VRK2: variants seen among roughly 807,000 people sequenced by gnomAD.
VRK2 encodes serine/threonine-protein kinase VRK2.
Under a neutral mutation model 57.6 loss-of-function variants are expected in VRK2, and 60 were observed. The ratio of observed to expected loss-of-function variants is 1.04; its 90% CI spans 0.85 to 1.29. The LOEUF is 1.29. Among genes scored for constraint, VRK2 ranks in the 50% most tolerant of loss-of-function variants. VRK2 has a pLI of 0.00. For synonymous variants in VRK2, 231 were observed against 199.2 expected (o/e 1.16, Z -1.35); for missense variants, 705 against 588.1 (o/e 1.20, Z -2.06).
At chr2:57,917,449 A>G (rs1251537348) in intron 1 of VRK2, among the ~76,000 whole-genome samples, 2 of 151,240 alleles carry the variant, frequency 1.3e-5, no homozygotes, top group African/African-American at 4.9e-5. Flanking sequence ...TTCATCTGCA[A>G]AATAAAGATG....
chr2:58,116,285 A>G (rs970775880), intron 7 of VRK2, among the ~76,000 whole-genome samples: 4 of 151,608 alleles, frequency 2.6e-5, no homozygotes, highest in South Asian at 2.1e-4. Flanking sequence ...GGAATACAAA[A>G]GGAGGACGCA....
Position 58,084,300 on chromosome 2 carries a change from TG to T in VRK2, c.186+163del, listed in dbSNP as rs928464155. On this transcript the variant is annotated intron_variant, in intron 3 of 12. Coordinates refer to ENST00000340157, the MANE Select transcript of VRK2 (RefSeq NM_006296.7). The stretch of plus-strand genomic sequence containing the variant: ...TAAAACATTAAAACTGGAGAACCTT[TG>T]TTTTTCTGTATTGCCAGCTATTACC... 1.3e-4 allele frequency among the ~76,000 whole-genome samples: 19 copies of T among 151,932 alleles called. 2 individuals are homozygous for T. The highest frequency in any genetic ancestry group is 1.2e-3 in the Admixed American group (19 of 15,244).
chr2:57,951,651 GTCA>G (rs1420364432), intron 1 of VRK2, among the ~76,000 whole-genome samples: 1 of 152,192 alleles, frequency 6.6e-6, no homozygotes, highest in Non-Finnish European at 1.5e-5. Flanking sequence ...CACTATCACT[GTCA>G]TCATCAGCAG....
intron 7 of VRK2, among the ~76,000 whole-genome samples, chr2:58,095,599 T>G (rs1041113769): frequency 1.3e-5 from 2 of 152,110 alleles, no homozygotes; most frequent in Non-Finnish European, 2.9e-5. Context: ...AATTTTTATT[T>G]CCATGCATTA....
chr2:58,068,497 G>A (rs1392842799), intron 2 of VRK2, among the ~76,000 whole-genome samples: 1 of 151,874 alleles, frequency 6.6e-6, no homozygotes, highest in African/African-American at 2.4e-5. Flanking sequence ...AATGTGTCTG[G>A]GCATTGATTT....
At chr2:58,084,217 A>G (rs1414191225) in intron 3 of VRK2, 79 bp downstream of exon 3, 6 of 1,448,008 alleles carry the variant, frequency 4.1e-6, no homozygotes, top group Non-Finnish European at 5.7e-6. Context: ...TTTCACGTTA[A>G]TTTTTGTAAC....
rs374989374 is a variant in VRK2 at position 58,098,556 on chromosome 2, T to C, written c.543+8833T>C. ...GATATATTTAGATACACAAATGCTA[T>C]TGTGTTACAGTTGTCTGCAGTATTT... On this transcript the variant is annotated intron_variant, in intron 7 of 12. Transcript: ENST00000340157. Among the ~76,000 whole-genome samples the C allele has an allele frequency of 2.0e-5, 3 of 152,082 alleles. No homozygotes were observed. In the South Asian group the frequency reaches 6.2e-4, roughly 31 times the overall value.
chr2:58,146,247 C>A, intron 11 of VRK2, 69 bp from the exon 12 acceptor site: 1 of 1,321,970 alleles, frequency 7.6e-7, no homozygotes, highest in Admixed American at 2.7e-5. Context: ...AGAATCTGGA[C>A]ATATATGCAT....
At chr2:57,915,890 C>T (rs1382591845) in intron 1 of VRK2, among the ~76,000 whole-genome samples, 1 of 152,106 alleles carries the variant, frequency 6.6e-6, no homozygotes, top group Admixed American at 6.6e-5. Context: ...ACAAACCCTG[C>T]TTGTGAACTG....
intron 8 of VRK2, among the ~76,000 whole-genome samples, chr2:58,125,946 A>T (rs568567548): frequency 6.6e-6 from 1 of 152,216 alleles, no homozygotes; most frequent in East Asian, 1.9e-4. Context: ...TTTATTAGAA[A>T]ATAAATAATC....
chr2:58,002,360 C>T (rs1673115728), intron 1 of VRK2, among the ~76,000 whole-genome samples: 1 of 152,060 alleles, frequency 6.6e-6, no homozygotes, highest in Non-Finnish European at 1.5e-5. Context: ...CACCTATAAT[C>T]CCAGCTACTC....
rs1312217258 is a variant in VRK2, at chr2:58,041,115, AC to A, written c.-6+7564del. The A allele has an allele frequency of 8.2e-6, 8 of 971,102 alleles. No homozygotes were observed. The South Asian group carries it at 1.4e-4, about 17-fold the overall frequency. The allele number at this position is 971,102 out of a possible 1,614,324, so 60.2% of individuals were successfully genotyped here. On this transcript the variant is annotated intron_variant, in intron 3 of 15. Transcript: ENST00000417641. ...GAGTGTAAATATAGTCTTATAGTTA[AC>A]CTTTTATGGTGCTCGTATTTGGGGA...
chr2:57,955,329 G>GTAAATATATGCAAACACATATATC lies in VRK2; in HGVS notation c.-439+47511_-439+47534dup, dbSNP rs60514333. Among the ~76,000 whole-genome samples the GTAAATATATGCAAACACATATATC allele has an allele frequency of 5.6e-3, 859 of 152,092 alleles. 6 individuals are homozygous for GTAAATATATGCAAACACATATATC. Among genetic ancestry groups the GTAAATATATGCAAACACATATATC allele is most frequent in the Non-Finnish European group, 8.2e-3 (554 of 67,956 alleles). On this transcript the variant is annotated intron_variant, in intron 1 of 15. Coordinates refer to the VRK2 transcript ENST00000417641. ...AAGATGTGGCAAATGTGAAATTTCT[G>GTAAATATATGCAAACACATATATC]TAAATATATGCAAACACATATATCT...
intron 1 of VRK2, among the ~76,000 whole-genome samples, chr2:57,952,571 A>C (rs186184955): frequency 2.6e-5 from 4 of 152,344 alleles, no homozygotes; most frequent in Admixed American, 2.0e-4. Flanking sequence ...TATCCTGAAC[A>C]TACATATCCT....
At chr2:58,067,901 CT>C (rs1436302445) in intron 2 of VRK2, among the ~76,000 whole-genome samples, 1 of 149,444 alleles carries the variant, frequency 6.7e-6, no homozygotes, top group East Asian at 1.9e-4. Flanking sequence ...TTTTTCTTTT[CT>C]TTTCTTTTCT....
At chr2:58,137,099 A>C (rs548706735) in intron 10 of VRK2, among the ~76,000 whole-genome samples, 1 of 125,998 alleles carries the variant, frequency 7.9e-6, no homozygotes, top group Non-Finnish European at 1.6e-5. Context: ...TGTATATATC[A>C]TATATATAAC....
intron 1 of VRK2, among the ~76,000 whole-genome samples, chr2:57,909,152 A>G (rs145590569): frequency 2.6e-5 from 4 of 152,348 alleles, no homozygotes; most frequent in Admixed American, 6.5e-5. Context: ...TGAGTGCTCA[A>G]ATAAGCTCTC....
chr2:58,015,194 T>C (rs996319522), intron 1 of VRK2, among the ~76,000 whole-genome samples: 1 of 152,200 alleles, frequency 6.6e-6, no homozygotes, highest in African/African-American at 2.4e-5. Context: ...CATCAGAGAT[T>C]TAACAAGCAT....
chr2:57,909,080 C>T (rs868103446), intron 1 of VRK2, among the ~76,000 whole-genome samples: 1 of 152,154 alleles, frequency 6.6e-6, no homozygotes, highest in Non-Finnish European at 1.5e-5. Context: ...AAAGCCTCCC[C>T]TTTGCATTCC....
Sources: gnomAD v4.1 joint callset for allele counts (sites outside exome capture counted in the v4.1 genomes callset) on GRCh38, gnomAD v4.1.1 for gene constraint, MANE v1.5 for transcripts, NCBI Gene and HGNC (gene_info 2026-07-23, HGNC 2026-07-21) for gene names.